The following PCED1B variants were observed in gnomAD, a reference collection of about 807,000 sequenced individuals.
The protein encoded by PCED1B is PC-esterase domain containing 1B.
For synonymous variants in PCED1B, 251 were observed against 246.1 expected (o/e 1.02, Z -0.19); for missense variants, 573 against 573.9 (o/e 1.00, Z 0.02).
At chr12:47,163,582 T>C (rs1941455979) in intron 2 of PCED1B, among the ~76,000 whole-genome samples, 3 of 152,238 alleles carry the variant, frequency 2.0e-5, no homozygotes, top group Admixed American at 2.0e-4. Context: ...CTGAGGCAGT[T>C]TCCTTCTATT....
chr12:47,217,470 G>GAGAAAGAA (rs200992609), intron 3 of PCED1B, among the ~76,000 whole-genome samples: 3,190 of 90,830 alleles, frequency 0.035, 135 homozygotes, highest in East Asian at 0.052. Flanking sequence ...AAGAAAGAAA[G>GAGAAAGAA]AGAAAGAAAG....
intron 3 of PCED1B, among the ~76,000 whole-genome samples, chr12:47,229,935 A>G (rs1302552840): frequency 6.6e-6 from 1 of 151,094 alleles, no homozygotes; most frequent in African/African-American, 2.4e-5. Context: ...ACACCCGGCT[A>G]ATATTTTTTT....
intron 2 of PCED1B, among the ~76,000 whole-genome samples, chr12:47,207,444 G>A (rs938015629): frequency 6.6e-6 from 1 of 152,222 alleles, no homozygotes; most frequent in Non-Finnish European, 1.5e-5. Context: ...CCAGCTGCCT[G>A]AGGCTGCTGC....
intron 2 of PCED1B, among the ~76,000 whole-genome samples, chr12:47,174,634 T>A (rs1941864116): frequency 1.3e-5 from 2 of 152,218 alleles, no homozygotes; most frequent in African/African-American, 2.4e-5. Flanking sequence ...TTTACCTTTT[T>A]TATTCCCATG....
intron 3 of PCED1B, among the ~76,000 whole-genome samples, chr12:47,227,518 C>T (rs1943669574): frequency 6.6e-6 from 1 of 151,992 alleles, no homozygotes; most frequent in Non-Finnish European, 1.5e-5. Context: ...TCATTTTCCC[C>T]TCTCTTTCCT....
intron 3 of PCED1B, among the ~76,000 whole-genome samples, chr12:47,222,116 TAAA>T (rs63691461): frequency 0.015 from 1,803 of 119,006 alleles, 37 homozygotes; most frequent in African/African-American, 0.041. Flanking sequence ...AAAAAAAAAT[TAAA>T]AAAAAAAAAA....
At chr12:47,171,660 C>T (rs1475166677) in intron 2 of PCED1B, among the ~76,000 whole-genome samples, 1 of 152,090 alleles carries the variant, frequency 6.6e-6, no homozygotes. Flanking sequence ...TAGTTTTTCT[C>T]CTGATAAAAG....
At chr12:47,137,202 A>T (rs1940409234) in intron 2 of PCED1B, among the ~76,000 whole-genome samples, 1 of 152,218 alleles carries the variant, frequency 6.6e-6, no homozygotes, top group Non-Finnish European at 1.5e-5. Flanking sequence ...CCATGATATG[A>T]ATATAAACAA....
chr12:47,228,426 A>G (rs1242578522), intron 3 of PCED1B, among the ~76,000 whole-genome samples: 1 of 152,130 alleles, frequency 6.6e-6, no homozygotes, highest in Non-Finnish European at 1.5e-5. Flanking sequence ...CCCTCCCTTC[A>G]TGACCATCTC....
At chr12:47,209,309 T>A (rs1489233904) in intron 2 of PCED1B, 1 of 152,270 alleles carries the variant, frequency 6.6e-6, no homozygotes, top group Non-Finnish European at 1.5e-5. Context: ...GAGGATCACC[T>A]GAGGTAAGGT....
intron 1 of PCED1B, among the ~76,000 whole-genome samples, chr12:47,103,576 G>A (rs934822749): frequency 6.6e-6 from 1 of 151,512 alleles, no homozygotes; most frequent in African/African-American, 2.4e-5. Flanking sequence ...CCACAGTAAC[G>A]TTTGGTCAAA....
intron 2 of PCED1B, among the ~76,000 whole-genome samples, chr12:47,125,995 A>G (rs990251440): frequency 6.6e-6 from 1 of 152,048 alleles, no homozygotes; most frequent in Non-Finnish European, 1.5e-5. Context: ...TTCTTTCAAA[A>G]ATCACATTTT....
intron 2 of PCED1B, among the ~76,000 whole-genome samples, chr12:47,183,744 T>G (rs367604635): frequency 1.8e-4 from 27 of 152,364 alleles, no homozygotes; most frequent in African/African-American, 5.5e-4. Context: ...CATCTTAGAA[T>G]TGTGTGCCAC....
At chr12:47,214,398 AC>A in intron 2 of PCED1B, among the ~76,000 whole-genome samples, 2 of 152,028 alleles carry the variant, frequency 1.3e-5, no homozygotes, top group Non-Finnish European at 2.9e-5. Flanking sequence ...GAAACCTCTT[AC>A]TCTTGTTGGT....
chr12:47,219,496 C>G (rs1015320850), intron 3 of PCED1B, among the ~76,000 whole-genome samples: 1 of 152,200 alleles, frequency 6.6e-6, no homozygotes, highest in African/African-American at 2.4e-5. Context: ...TATTAGCTCT[C>G]CAATCGCCCT....
intron 2 of PCED1B, among the ~76,000 whole-genome samples, chr12:47,121,910 T>C (rs12370851): frequency 0.22 from 32,857 of 151,118 alleles, 4,558 homozygotes; most frequent in Non-Finnish European, 0.31. Flanking sequence ...TGGGCGCCTG[T>C]AATCCCAGCT....
intron 2 of PCED1B, among the ~76,000 whole-genome samples, chr12:47,192,595 T>C (rs1942480090): frequency 6.6e-6 from 1 of 152,168 alleles, no homozygotes; most frequent in South Asian, 2.1e-4. Flanking sequence ...TCCTTTCATT[T>C]TAGAGAATAA....
intron 2 of PCED1B, among the ~76,000 whole-genome samples, chr12:47,118,043 G>T (rs1371404102): frequency 6.7e-6 from 1 of 149,408 alleles, no homozygotes; most frequent in Non-Finnish European, 1.5e-5. Flanking sequence ...TTTTGATGGG[G>T]TTGTTTGATT....
chr12:47,096,211 C>T (rs1938480414), intron 1 of PCED1B, among the ~76,000 whole-genome samples: 2 of 152,012 alleles, frequency 1.3e-5, no homozygotes, highest in Non-Finnish European at 2.9e-5. Flanking sequence ...GTTAATCATA[C>T]TTTTAGATTT....
Sources: allele counts gnomAD v4.1 joint callset (sites outside exome capture counted in the v4.1 genomes callset), GRCh38; gene constraint gnomAD v4.1.1; transcripts MANE v1.5; gene names NCBI Gene and HGNC (gene_info 2026-07-23, HGNC 2026-07-21).